ATXN1: variants seen among roughly 807,000 people sequenced by gnomAD.
ATXN1 encodes ataxin-1.
ATXN1 carries 8 observed loss-of-function variants against 56.4 expected under a neutral mutation model. The observed-to-expected ratio is 0.14, with a 90% confidence interval of 0.08 to 0.26. ATXN1 has a LOEUF of 0.26. Among genes scored for constraint, ATXN1 ranks in the 10% least tolerant of loss-of-function variants. The probability of loss-of-function intolerance (pLI) is 1.00; values close to 1 mark genes in which losing one functional copy is unlikely to be tolerated. For synonymous variants in ATXN1, 514 were observed against 494.6 expected (o/e 1.04, Z -0.52); for missense variants, 987 against 1,106.5 (o/e 0.89, Z 1.53).
At chr6:16,610,809 A>T (rs1466537751) in intron 3 of ATXN1, among the ~76,000 whole-genome samples, 1 of 151,496 alleles carries the variant, frequency 6.6e-6, no homozygotes, top group African/African-American at 2.4e-5. Context: ...GGATTGCTTG[A>T]GGCCAAGAGT....
At chr6:16,672,651 G>A (rs1561802434) in intron 2 of ATXN1, among the ~76,000 whole-genome samples, 1 of 152,188 alleles carries the variant, frequency 6.6e-6, no homozygotes, top group Non-Finnish European at 1.5e-5. Context: ...ACACAGCACA[G>A]AGAGATGCAA....
At chr6:16,657,389 A>T (rs1758228893) in intron 3 of ATXN1, among the ~76,000 whole-genome samples, 2 of 152,268 alleles carry the variant, frequency 1.3e-5, no homozygotes, top group East Asian at 1.9e-4. Flanking sequence ...GACGCAAAAA[A>T]CTTGCCATTA....
chr6:16,368,343 C>CTT (rs10527935), intron 6 of ATXN1, among the ~76,000 whole-genome samples: 658 of 74,906 alleles, frequency 8.8e-3, no homozygotes, highest in East Asian at 0.016. Context: ...ACTTCTTCTT[C>CTT]TTTTTTTTTT....
chr6:16,299,533 C>T lies in ATXN1; in HGVS notation c.*6796G>A, dbSNP rs1760029792. 1 of 152,622 alleles carries T rather than the reference C, an allele frequency of 6.6e-6. No individual in the cohort carries two copies. Among genetic ancestry groups the T allele is most frequent in the Admixed American group, 6.5e-5 (1 of 15,286 alleles). 9.5% of individuals were successfully genotyped at this position (152,622 alleles called of 1,614,324 possible). ...TTTCAATAAGGTGCAAAACATCATT[C>T]CTTCCCTAGTTCTCCTCTGTACTGG... is the stretch of plus-strand genomic sequence containing the variant. On this transcript the variant is annotated 3_prime_UTR_variant, in exon 8 of 8. Transcript: ENST00000436367.
chr6:16,470,465 TTTATG>T (rs1760195544), intron 6 of ATXN1, among the ~76,000 whole-genome samples: 1 of 152,102 alleles, frequency 6.6e-6, no homozygotes, highest in Non-Finnish European at 1.5e-5. Context: ...GACAGTAAAT[TTTATG>T]TTATGTGTAC....
chr6:16,679,127 A>G (rs764455484), intron 2 of ATXN1, among the ~76,000 whole-genome samples: 1 of 144,904 alleles, frequency 6.9e-6, no homozygotes, highest in Non-Finnish European at 1.5e-5. Flanking sequence ...TGGATGGACA[A>G]ATAGATAGAT....
chr6:16,735,001 G>GT (rs1407347233), intron 2 of ATXN1, among the ~76,000 whole-genome samples: 2 of 152,010 alleles, frequency 1.3e-5, no homozygotes, highest in African/African-American at 4.8e-5. Context: ...CTATTTTACT[G>GT]TATTTTATTT....
At chr6:16,527,970 C>T (rs1761425910) in intron 4 of ATXN1, among the ~76,000 whole-genome samples, 2 of 152,124 alleles carry the variant, frequency 1.3e-5, no homozygotes, top group African/African-American at 4.8e-5. Context: ...GATGGTCAGG[C>T]TGTGTTGTGT....
At chr6:16,659,434 G>C (rs1344740041) in intron 2 of ATXN1, among the ~76,000 whole-genome samples, 1 of 152,190 alleles carries the variant, frequency 6.6e-6, no homozygotes, top group Non-Finnish European at 1.5e-5. Flanking sequence ...CAAGTTACTG[G>C]CTTGTATCAA....
chr6:16,356,006 C>A (rs1330344348), intron 6 of ATXN1, among the ~76,000 whole-genome samples: 1 of 152,244 alleles, frequency 6.6e-6, no homozygotes, highest in Non-Finnish European at 1.5e-5. Context: ...TGGGCTCGTT[C>A]CTTCCCCGCG....
At chr6:16,412,939 A>G (rs1332554458) in intron 6 of ATXN1, among the ~76,000 whole-genome samples, 5 of 152,162 alleles carry the variant, frequency 3.3e-5, no homozygotes. Flanking sequence ...AAGCATCATC[A>G]AAGTGGATGA....
At chr6:16,569,025 G>C (rs1445694634) in intron 4 of ATXN1, among the ~76,000 whole-genome samples, 1 of 152,166 alleles carries the variant, frequency 6.6e-6, no homozygotes, top group Non-Finnish European at 1.5e-5. Context: ...AAGTGCAGAT[G>C]AATGAAGTAA....
intron 2 of ATXN1, among the ~76,000 whole-genome samples, chr6:16,715,956 G>A (rs1759631381): frequency 6.6e-6 from 1 of 152,132 alleles, no homozygotes. Flanking sequence ...GAGGACCACA[G>A]CCATTTCTGC....
At chr6:16,635,425 T>C (rs1049502620) in intron 3 of ATXN1, among the ~76,000 whole-genome samples, 2 of 152,176 alleles carry the variant, frequency 1.3e-5, no homozygotes, top group African/African-American at 4.8e-5. Context: ...AAAAACTGTC[T>C]TCCATGAAAC....
At chr6:16,576,745 T>C (rs1431262110) in intron 4 of ATXN1, among the ~76,000 whole-genome samples, 1 of 152,198 alleles carries the variant, frequency 6.6e-6, no homozygotes, top group Non-Finnish European at 1.5e-5. Context: ...AATGTACACA[T>C]ATTCATGAAT....
intron 6 of ATXN1, among the ~76,000 whole-genome samples, chr6:16,383,445 A>C (rs570147964): frequency 6.6e-6 from 1 of 152,354 alleles, no homozygotes; most frequent in African/African-American, 2.4e-5. Context: ...AGGCGATAGA[A>C]TATGGTGCTT....
At position 16,495,601 on chromosome 6, in the gene ATXN1, G is replaced by A. The variant is rs755232563; in HGVS notation, c.-298-9492C>T. On this transcript the variant is annotated intron_variant, in intron 5 of 7. Coordinates refer to ENST00000436367, the MANE Select transcript of ATXN1 (RefSeq NM_001128164.2). ...ATTGGGGCTAGGCGTGGTGGCTTACGCCTATAATCCCTGTACTTTGGGAGG... is the reference window on the plus strand; with the variant it reads ...ATTGGGGCTAGGCGTGGTGGCTTACACCTATAATCCCTGTACTTTGGGAGG... Among the ~76,000 whole-genome samples, 11 of 152,270 alleles carry A rather than the reference G, an allele frequency of 7.2e-5. No individual in the cohort carries two copies. The East Asian group carries it at 1.2e-3, about 16-fold the overall frequency.
chr6:16,602,240 C>T (rs1762924679), intron 3 of ATXN1, among the ~76,000 whole-genome samples: 1 of 152,098 alleles, frequency 6.6e-6, no homozygotes, highest in South Asian at 2.1e-4. Context: ...GGGGTTTCTA[C>T]TCCGTAATTC....
chr6:16,613,749 A>G (rs1763156745), intron 3 of ATXN1, among the ~76,000 whole-genome samples: 1 of 152,178 alleles, frequency 6.6e-6, no homozygotes, highest in Admixed American at 6.5e-5. Context: ...GGATTGCTTG[A>G]GCCCAGGGGT....
Sources: allele counts gnomAD v4.1 joint callset (sites outside exome capture counted in the v4.1 genomes callset), GRCh38; gene constraint gnomAD v4.1.1; transcripts MANE v1.5; gene names NCBI Gene and HGNC (gene_info 2026-07-23, HGNC 2026-07-21).